The following OPCML variants were observed in gnomAD, a reference collection of about 807,000 sequenced individuals.
The protein encoded by OPCML is opioid-binding protein/cell adhesion molecule.
OPCML carries 13 observed loss-of-function variants against 37.8 expected under a neutral mutation model. That is an observed-to-expected ratio of 0.34 (90% CI 0.22 to 0.55). OPCML has a LOEUF of 0.55. Ranked by LOEUF, OPCML falls within the 20% of genes least tolerant of loss-of-function variation. The probability of loss-of-function intolerance (pLI) is 0.91; values close to 1 mark genes in which losing one functional copy is unlikely to be tolerated. For missense variants in OPCML, 341 were observed against 435.6 expected, an observed-to-expected ratio of 0.78 and a Z score of 1.93; for synonymous variants, 176 against 168.8, an observed-to-expected ratio of 1.04 and a Z score of -0.33.
At chr11:133,382,721 A>G (rs1944957534) in intron 1 of OPCML, among the ~76,000 whole-genome samples, 1 of 152,154 alleles carries the variant, frequency 6.6e-6, no homozygotes, top group Non-Finnish European at 1.5e-5. Flanking sequence ...TCAGCAGGCA[A>G]CGAGGGCTTT....
intron 2 of OPCML, among the ~76,000 whole-genome samples, chr11:132,685,395 A>G (rs1322496223): frequency 6.6e-6 from 1 of 152,128 alleles, no homozygotes; most frequent in Non-Finnish European, 1.5e-5. Flanking sequence ...TTCTTTATCA[A>G]GTTTTGAAGT....
rs117901733 is a variant in OPCML at position 133,307,869 on chromosome 11, A to G, written c.61+224395T>C. Among the ~76,000 whole-genome samples, 267 of 151,496 alleles carry G rather than the reference A, an allele frequency of 1.8e-3. 4 individuals carry two copies. In the East Asian group the frequency reaches 0.048, roughly 27 times the overall value. The stretch of plus-strand genomic sequence containing the variant: ...TCCAAGTTTTTTTTTTTTAAATTTT[A>G]CCTCCCAAGCAAGTTATCACTGACT... On this transcript the variant is annotated intron_variant, in intron 1 of 7. Coordinates refer to ENST00000524381, the MANE Select transcript of OPCML (RefSeq NM_001012393.5).
intron 1 of OPCML, among the ~76,000 whole-genome samples, chr11:133,428,936 T>C (rs768144720): frequency 6.6e-6 from 1 of 152,188 alleles, no homozygotes; most frequent in Non-Finnish European, 1.5e-5. Flanking sequence ...ACATGAAATA[T>C]GTTTAACAAA....
chr11:132,486,938 T>A (rs903556925), intron 4 of OPCML, among the ~76,000 whole-genome samples: 1 of 152,238 alleles, frequency 6.6e-6, no homozygotes, highest in African/African-American at 2.4e-5. Context: ...AGCAATTCAA[T>A]GCTTATTGCA....
intron 3 of OPCML, among the ~76,000 whole-genome samples, chr11:132,564,530 T>G (rs1591557044): frequency 6.6e-6 from 1 of 152,130 alleles, no homozygotes; most frequent in African/African-American, 2.4e-5. Flanking sequence ...CTAGTGGAGG[T>G]TGCCATTTCT....
intron 2 of OPCML, among the ~76,000 whole-genome samples, chr11:132,921,269 T>C (rs959264358): frequency 1.3e-5 from 2 of 152,220 alleles, no homozygotes; most frequent in Admixed American, 6.5e-5. Context: ...GTTTGGCTTT[T>C]GATCACGGTA....
chr11:132,454,428 G>A (rs572676532), intron 4 of OPCML, among the ~76,000 whole-genome samples: 4 of 152,316 alleles, frequency 2.6e-5, no homozygotes, highest in African/African-American at 9.6e-5. Context: ...CCACTCTTCC[G>A]AGGTCAGGCT....
Position 133,500,321 on chromosome 11 carries a change from G to A in OPCML, c.61+31943C>T, listed in dbSNP as rs545442816. On this transcript the variant is annotated intron_variant, in intron 1 of 7. Transcript: ENST00000524381. The stretch of plus-strand genomic sequence containing the variant: ...CCTCACTGAGACCCAGGTCAGTGGG[G>A]CTGTGTCTGCCACCCTGGCGTGAAC... Among the ~76,000 whole-genome samples the A allele has an allele frequency of 2.0e-5, 3 of 152,292 alleles. No homozygotes were observed. In the South Asian group the frequency reaches 6.2e-4, roughly 32 times the overall value.
intron 4 of OPCML, among the ~76,000 whole-genome samples, chr11:132,508,488 A>G (rs925529070): frequency 6.9e-6 from 1 of 145,706 alleles, no homozygotes. Context: ...AAAATGGAAG[A>G]TCTAGTCACA....
intron 1 of OPCML, chr11:133,421,286 T>C (rs909157816): frequency 1.7e-5 from 17 of 985,214 alleles, no homozygotes; most frequent in Non-Finnish European, 2.0e-5. Context: ...AAGGCATCAT[T>C]TGTAGAATGT....
chr11:133,491,280 C>T (rs1947650006), intron 1 of OPCML, among the ~76,000 whole-genome samples: 1 of 152,146 alleles, frequency 6.6e-6, no homozygotes, highest in South Asian at 2.1e-4. Flanking sequence ...GTTGAGGCCT[C>T]CTAGTCACTT....
At chr11:132,915,137 C>A (rs916336059) in intron 2 of OPCML, among the ~76,000 whole-genome samples, 1 of 152,116 alleles carries the variant, frequency 6.6e-6, no homozygotes, top group Non-Finnish European at 1.5e-5. Flanking sequence ...CCATCTTTAC[C>A]TTGCTGCCTC....
chr11:132,970,822 T>G (rs1352411914), intron 1 of OPCML, among the ~76,000 whole-genome samples: 1 of 152,228 alleles, frequency 6.6e-6, no homozygotes, highest in Non-Finnish European at 1.5e-5. Context: ...CCTGTAGTAC[T>G]CATAGCTGAA....
chr11:132,698,674 T>C (rs1248834950), intron 2 of OPCML, among the ~76,000 whole-genome samples: 2 of 152,202 alleles, frequency 1.3e-5, no homozygotes, highest in East Asian at 1.9e-4. Context: ...TTATTGCCTA[T>C]GCTTTTGGGA....
chr11:132,830,838 T>C (rs1017293020), intron 2 of OPCML, among the ~76,000 whole-genome samples: 3 of 152,198 alleles, frequency 2.0e-5, no homozygotes, highest in African/African-American at 7.2e-5. Flanking sequence ...TATGTTTTAA[T>C]ATAAAACTAC....
intron 1 of OPCML, among the ~76,000 whole-genome samples, chr11:133,427,464 C>A (rs1592286831): frequency 6.6e-6 from 1 of 151,558 alleles, no homozygotes; most frequent in South Asian, 2.1e-4. Flanking sequence ...ACAAAACTTA[C>A]CAAAATAGTA....
At chr11:132,900,267 G>C (rs1443184018) in intron 2 of OPCML, among the ~76,000 whole-genome samples, 1 of 151,956 alleles carries the variant, frequency 6.6e-6, no homozygotes, top group Non-Finnish European at 1.5e-5. Context: ...ATTCAATTAG[G>C]CCAGTCAAAA....
intron 2 of OPCML, among the ~76,000 whole-genome samples, chr11:132,748,229 G>T (rs2136060212): frequency 6.6e-6 from 1 of 152,244 alleles, no homozygotes; most frequent in Non-Finnish European, 1.5e-5. Context: ...ACAAGTTTTG[G>T]AAGCCAGTTG....
At chr11:133,467,504 A>G (rs79934164) in intron 1 of OPCML, among the ~76,000 whole-genome samples, 2,407 of 152,282 alleles carry the variant, frequency 0.016, 69 homozygotes, top group African/African-American at 0.055. Flanking sequence ...CATGTCTACA[A>G]TGGCCCAAAC....
Sources: allele counts gnomAD v4.1 joint callset (sites outside exome capture counted in the v4.1 genomes callset), GRCh38; gene constraint gnomAD v4.1.1; transcripts MANE v1.5; gene names NCBI Gene and HGNC (gene_info 2026-07-23, HGNC 2026-07-21).